The following ABCA4 variants were observed in gnomAD, a reference collection of about 807,000 sequenced individuals.
The protein encoded by ABCA4 is ATP binding cassette subfamily A member 4.
In ABCA4, 196 loss-of-function variants were observed where a neutral mutation model predicts 263.7. That is an observed-to-expected ratio of 0.74 (90% CI 0.66 to 0.84). ABCA4 has a LOEUF of 0.84. ABCA4 is among the 40% of genes least tolerant of loss of function. The pLI is 0.00. For synonymous variants in ABCA4, 1,133 were observed against 1,094.2 expected (o/e 1.04, Z -0.70); for missense variants, 2,792 against 2,855.1 (o/e 0.98, Z 0.50).
intron 11 of ABCA4, among the ~76,000 whole-genome samples, chr1:94,070,606 G>C (rs1262022199): frequency 6.6e-6 from 1 of 152,208 alleles, no homozygotes. Flanking sequence ...TTCGGCCCTT[G>C]AGGGGTTCAG....
intron 25 of ABCA4, 46 bp downstream of exon 25, chr1:94,037,099 G>A (rs779623049): frequency 4.4e-6 from 7 of 1,589,846 alleles, no homozygotes; most frequent in Admixed American, 1.7e-5. Context: ...TCAAAGAACC[G>A]CCACTTCTGG....
chr1:94,048,857 C>G lies in ABCA4; in HGVS notation c.2743+11G>C. 2 of 1,613,750 alleles carry G rather than the reference C, an allele frequency of 1.2e-6. No homozygotes were observed. The highest frequency in any genetic ancestry group is 1.7e-6 in the Non-Finnish European group (2 of 1,179,684). On this transcript the variant is annotated intron_variant, in intron 18 of 49. Transcript: ENST00000370225. ...CTCGCCTCTGCTGTGTATTCTTTAT[C>G]GGGGTTTTACCGTGTATTCCTTCTG...
intron 7 of ABCA4, among the ~76,000 whole-genome samples, chr1:94,082,649 G>T (rs1268770118): frequency 6.6e-6 from 1 of 152,184 alleles, no homozygotes; most frequent in Non-Finnish European, 1.5e-5. Flanking sequence ...ATAATGGAGG[G>T]AGAAAAGTTT....
At chr1:94,058,981 C>T (rs369423689) in intron 14 of ABCA4, among the ~76,000 whole-genome samples, 13 of 152,292 alleles carry the variant, frequency 8.5e-5, no homozygotes, top group South Asian at 6.2e-4. Flanking sequence ...GCCCTGTTTC[C>T]GTCATCACTG....
At chr1:94,105,402 G>C (rs4147818) in intron 4 of ABCA4, among the ~76,000 whole-genome samples, 4,121 of 152,256 alleles carry the variant, frequency 0.027, 262 homozygotes, top group East Asian at 0.14. Flanking sequence ...CCAGGAGACA[G>C]GGCTGCTGTG....
intron 32 of ABCA4, among the ~76,000 whole-genome samples, chr1:94,022,242 C>G (rs1448560259): frequency 6.6e-6 from 1 of 152,172 alleles, no homozygotes; most frequent in Non-Finnish European, 1.5e-5. Context: ...CTGGACATAT[C>G]GAGTCACTTC....
At chr1:94,116,820 T>G (rs1662776822) in intron 1 of ABCA4, among the ~76,000 whole-genome samples, 3 of 152,122 alleles carry the variant, frequency 2.0e-5, no homozygotes, top group Non-Finnish European at 4.4e-5. Context: ...TACCCTGCCC[T>G]TTACACATGT....
At chr1:94,116,968 C>CTTTCTTTTTCTT (rs764312285) in intron 1 of ABCA4, among the ~76,000 whole-genome samples, 60 of 100,052 alleles carry the variant, frequency 6.0e-4, no homozygotes, top group African/African-American at 2.4e-3. Context: ...TTCTTTCTTT[C>CTTTCTTTTTCTT]TCTTTCTTTC....
At chr1:94,119,123 A>T (rs80321410) in intron 1 of ABCA4, among the ~76,000 whole-genome samples, 6,788 of 152,206 alleles carry the variant, frequency 0.045, 228 homozygotes, top group Non-Finnish European at 0.068. Flanking sequence ...CCTGGAGATT[A>T]TTTTTTGATA....
intron 21 of ABCA4, 132 bp from the exon 22 acceptor site, chr1:94,043,030 C>G: frequency 7.5e-7 from 1 of 1,335,582 alleles, no homozygotes; most frequent in South Asian, 1.2e-5. Context: ...ATGTTTATAG[C>G]GTTCAAAGCC....
chr1:94,086,348 C>CT (rs1170576007), intron 6 of ABCA4, among the ~76,000 whole-genome samples: 1 of 152,080 alleles, frequency 6.6e-6, no homozygotes, highest in Non-Finnish European at 1.5e-5. Context: ...TTTAAGTTGT[C>CT]TTTTTTTAAA....
chr1:94,028,297 C>T (rs17110889), intron 30 of ABCA4, among the ~76,000 whole-genome samples: 5 of 152,096 alleles, frequency 3.3e-5, no homozygotes, highest in Non-Finnish European at 7.4e-5. Flanking sequence ...TTATCAACCA[C>T]GGACACAGCC....
At chr1:94,057,336 A>G (rs1156519607) in intron 14 of ABCA4, among the ~76,000 whole-genome samples, 5 of 152,218 alleles carry the variant, frequency 3.3e-5, no homozygotes, top group Non-Finnish European at 7.3e-5. Context: ...TTATGTGTTA[A>G]GTAAGCAAAT....
intron 14 of ABCA4, among the ~76,000 whole-genome samples, chr1:94,059,131 C>T (rs754205722): frequency 1.3e-5 from 2 of 152,226 alleles, no homozygotes; most frequent in Non-Finnish European, 2.9e-5. Flanking sequence ...TGCTTATCAA[C>T]AAGCCAGGCA....
At position 94,024,963 on chromosome 1, in the gene ABCA4, A is replaced by G. The variant is rs374921762; in HGVS notation, c.4625T>C (p.Ile1542Thr). 11 of 1,613,828 alleles carry G rather than the reference A, an allele frequency of 6.8e-6. No homozygotes were observed. In the African/African-American group the frequency reaches 1.1e-4, roughly 16 times the overall value. The change falls in exon 31 of 50, where the codon ATA becomes ACA. Residue 1542 changes from isoleucine (I) to threonine (T), a missense_variant. Physicochemically the swap from Ile to Thr is moderately conservative, Grantham distance 89 (BLOSUM62 -1). Transcript: ENST00000370225. ...AAGGATTTCTTCTTACCTGCTTCTT[A>G]TAAGAGCAGGATACGTTTTTACCAA... ...DFLVKTYPAL[I>T]RSSLKSKFWV...
rs181131907 is a variant in ABCA4, at chr1:94,110,288, A to T, written c.302+1150T>A. Among the ~76,000 whole-genome samples, 5 of 152,294 alleles carry T rather than the reference A, an allele frequency of 3.3e-5. No individual in the cohort carries two copies. In the East Asian group the frequency reaches 7.7e-4, roughly 24 times the overall value. On this transcript the variant is annotated intron_variant, in intron 3 of 49. Transcript: ENST00000370225. The stretch of plus-strand genomic sequence containing the variant: ...TACAGATCATACAGTCTCTATCACA[A>T]CTACTCAACTCTGCCATTGTAGGGC...
intron 32 of ABCA4, 87 bp from the exon 33 acceptor site, chr1:94,022,038 A>G: frequency 1.8e-6 from 2 of 1,132,014 alleles, no homozygotes; most frequent in Non-Finnish European, 2.7e-6. Context: ...GGAAACATGA[A>G]CTTTCGGGGG....
At chr1:94,110,765 T>C (rs1168400010) in intron 3 of ABCA4, among the ~76,000 whole-genome samples, 2 of 152,194 alleles carry the variant, frequency 1.3e-5, no homozygotes, top group African/African-American at 2.4e-5. Flanking sequence ...TGAAATCAGA[T>C]GTACAGTGTA....
intron 11 of ABCA4, among the ~76,000 whole-genome samples, chr1:94,075,175 C>T (rs188350048): frequency 6.6e-5 from 10 of 151,934 alleles, no homozygotes; most frequent in Non-Finnish European, 1.5e-4. Context: ...GGGGTAGGGG[C>T]GAGGCGAGGG....
Sources: allele counts gnomAD v4.1 joint callset (sites outside exome capture counted in the v4.1 genomes callset), GRCh38; gene constraint gnomAD v4.1.1; transcripts MANE v1.5; gene names NCBI Gene and HGNC (gene_info 2026-07-23, HGNC 2026-07-21).